The following OR2L13 variants were observed in gnomAD, a reference collection of about 807,000 sequenced individuals.
OR2L13 encodes olfactory receptor family 2 subfamily L member 13.
A neutral mutation model predicts 15.3 loss-of-function variants in OR2L13; 14 were observed. The ratio of observed to expected loss-of-function variants is 0.91; its 90% CI spans 0.60 to 1.43. OR2L13 has a LOEUF of 1.43. Among genes scored for constraint, OR2L13 ranks in the 40% most tolerant of loss-of-function variants. The pLI, the probability that OR2L13 is intolerant of heterozygous loss-of-function variation, is 0.00. For missense variants in OR2L13, 367 were observed against 387.9 expected, an observed-to-expected ratio of 0.95 and a Z score of 0.45; for synonymous variants, 152 against 142.9, an observed-to-expected ratio of 1.06 and a Z score of -0.45.
chr1:247,946,571 G>A, the OR2L13 span, among the ~76,000 whole-genome samples: 1 of 152,158 alleles, frequency 6.6e-6, no homozygotes, highest in African/African-American at 2.4e-5. Flanking sequence ...AACTCTTGCT[G>A]ACCCCAAAGG....
At chr1:248,022,672 C>T in the OR2L13 span, 2 of 1,614,084 alleles carry the variant, frequency 1.2e-6, no homozygotes, top group South Asian at 2.2e-5. Flanking sequence ...ACCTGCAGCA[C>T]CCACCTCACT....
chr1:248,076,703 AC>A, the OR2L13 span, among the ~76,000 whole-genome samples: 1 of 152,142 alleles, frequency 6.6e-6, no homozygotes, highest in African/African-American at 2.4e-5. Flanking sequence ...GTATCCTGAG[AC>A]TTTGCTGAAG....
At chr1:248,015,454 G>C in the OR2L13 span, among the ~76,000 whole-genome samples, 1 of 152,200 alleles carries the variant, frequency 6.6e-6, no homozygotes, top group South Asian at 2.1e-4. Flanking sequence ...TGCAGATTCA[G>C]GTACAGACAG....
chr1:247,991,123 C>T, the OR2L13 span: 16 of 1,606,404 alleles, frequency 1.0e-5, no homozygotes, highest in Non-Finnish European at 1.4e-5. Context: ...AATGCTCAAC[C>T]CCATCATCTA....
the OR2L13 span, among the ~76,000 whole-genome samples, chr1:248,084,961 A>G: frequency 1.3e-5 from 2 of 152,172 alleles, no homozygotes; most frequent in Non-Finnish European, 2.9e-5. Context: ...AGTTACTGCT[A>G]TTCTCTTCCA....
At chr1:247,971,773 T>C in the OR2L13 span, among the ~76,000 whole-genome samples, 1 of 152,166 alleles carries the variant, frequency 6.6e-6, no homozygotes, top group South Asian at 2.1e-4. Context: ...GCGGACCGAA[T>C]AGACATCTAC....
chr1:248,006,689 C>G, the OR2L13 span, among the ~76,000 whole-genome samples: 3 of 152,044 alleles, frequency 2.0e-5, no homozygotes, highest in African/African-American at 7.2e-5. Context: ...TGGGAAATGA[C>G]TAGGTCATGA....
the OR2L13 span, chr1:248,061,202 A>G: frequency 1.2e-5 from 19 of 1,612,202 alleles, 1 homozygote; most frequent in African/African-American, 1.1e-4. Context: ...AGGGCCATCA[A>G]TCATTTCTTC....
the OR2L13 span, among the ~76,000 whole-genome samples, chr1:247,940,118 A>G: frequency 1.3e-5 from 2 of 152,232 alleles, no homozygotes; most frequent in Non-Finnish European, 2.9e-5. Context: ...AGTGAAAAAT[A>G]CATGCACATA....
At chr1:247,975,405 A>C in the OR2L13 span, 2 of 670,160 alleles carry the variant, frequency 3.0e-6, no homozygotes, top group Non-Finnish European at 5.6e-6. Flanking sequence ...ACCACATTAA[A>C]TCTGCAGAAG....
chr1:248,007,974 C>T, the OR2L13 span, among the ~76,000 whole-genome samples: 1 of 152,102 alleles, frequency 6.6e-6, no homozygotes, highest in African/African-American at 2.4e-5. Context: ...GCTGACTCAG[C>T]ATATTTATTA....
At chr1:248,096,484 A>G (rs949850235), upstream of OR2L13, among the ~76,000 whole-genome samples, 1 of 152,230 alleles carries the variant, frequency 6.6e-6, no homozygotes, top group Non-Finnish European at 1.5e-5. Flanking sequence ...ACAATGTGAC[A>G]TTAATAAAAA....
At chr1:248,044,442 T>C in the OR2L13 span, among the ~76,000 whole-genome samples, 1 of 152,168 alleles carries the variant, frequency 6.6e-6, no homozygotes, top group South Asian at 2.1e-4. Flanking sequence ...TCTCATGACG[T>C]CACCACTCAC....
At chr1:248,099,547 A>T (rs1664804197) in exon 3 of OR2L13, 3 of 1,613,792 alleles carry the variant, frequency 1.9e-6, no homozygotes, top group Non-Finnish European at 2.5e-6. Context: ...CCACACACCG[A>T]TGTACTTTCT....
chr1:247,938,431 ATAT>A, the OR2L13 span, among the ~76,000 whole-genome samples: 1 of 152,192 alleles, frequency 6.6e-6, no homozygotes, highest in Non-Finnish European at 1.5e-5. Context: ...GAATAGCAAG[ATAT>A]TATTGTAAGC....
chr1:248,084,639 G>A, the OR2L13 span: 1 of 1,548,378 alleles, frequency 6.5e-7, no homozygotes, highest in Non-Finnish European at 8.7e-7. Flanking sequence ...AATAGAGAAG[G>A]AAGAGGCTTT....
At chr1:248,000,795 A>T in the OR2L13 span, among the ~76,000 whole-genome samples, 1 of 152,194 alleles carries the variant, frequency 6.6e-6, no homozygotes, top group Non-Finnish European at 1.5e-5. Context: ...AAAGTACATT[A>T]AAAACAGGTG....
At chr1:247,966,510 A>G in the OR2L13 span, 4 of 607,776 alleles carry the variant, frequency 6.6e-6, no homozygotes, top group South Asian at 4.7e-5. Flanking sequence ...TAATGCTTTT[A>G]CTTGCCCTCT....
At chr1:248,031,806 C>A in the OR2L13 span, among the ~76,000 whole-genome samples, 2 of 151,926 alleles carry the variant, frequency 1.3e-5, no homozygotes, top group African/African-American at 4.8e-5. Context: ...AGGGGGAGAT[C>A]GGAAAAATAA....
Sources: allele counts gnomAD v4.1 joint callset (sites outside exome capture counted in the v4.1 genomes callset), GRCh38; gene constraint gnomAD v4.1.1; transcripts MANE v1.5; gene names NCBI Gene and HGNC (gene_info 2026-07-23, HGNC 2026-07-21).